Variants in MAP1B observed in about 807,000 individuals in gnomAD.
MAP1B encodes microtubule associated protein 1B.
MAP1B carries 12 observed loss-of-function variants against 176.1 expected under a neutral mutation model. The ratio of observed to expected loss-of-function variants is 0.07; its 90% CI spans 0.04 to 0.11. The LOEUF (loss-of-function observed/expected upper bound fraction) is 0.11, where lower values mean the gene tolerates loss of function less well. MAP1B is among the 10% of genes least tolerant of loss of function. The pLI is 1.00. For missense variants in MAP1B, 2,523 were observed against 2,990.5 expected (o/e 0.84, Z 3.65); for synonymous variants, 1,044 against 1,135.0 (o/e 0.92, Z 1.61).
chr5:72,110,026 A>G lies in MAP1B; in HGVS notation c.184+2311A>G, dbSNP rs557918270. On this transcript the variant is annotated intron_variant, in intron 1 of 6. Coordinates refer to ENST00000296755, the MANE Select transcript of MAP1B (RefSeq NM_005909.5). ...CCCTGCCTTTACTCGTTTTTACACT[A>G]CTAGCACTTAGTGACAAAATTCAGA... is the stretch of plus-strand genomic sequence containing the variant. Among the ~76,000 whole-genome samples, 22 of 152,322 alleles carry G rather than the reference A, an allele frequency of 1.4e-4. No individual in the cohort carries two copies. In the South Asian group the frequency reaches 3.3e-3, roughly 23 times the overall value.
chr5:72,199,211 G>A lies in MAP1B; in HGVS notation c.5856G>A (p.Glu1952=), dbSNP rs369646441. ...IIEKTTRTPE[E]GGYSYDISEK... ...AGAAGACCACACGGACCCCTGAAGA[G>A]GGTGGGTACTCATATGACATAAGTG... The change falls in exon 5 of 7, where the codon GAG becomes GAA. Residue 1952 remains glutamate, a synonymous_variant. Coordinates refer to ENST00000296755, the MANE Select transcript of MAP1B (RefSeq NM_005909.5). This position sits in a 1 kb window ranked among gnomAD's most constrained non-coding sequence, Gnocchi z 4.2. 1.2e-5 allele frequency: 20 copies of A among 1,613,936 alleles called. No homozygotes were observed. The highest frequency in any genetic ancestry group is 4.0e-5 in the African/African-American group (3 of 74,898).
At chr5:72,187,433 T>G (rs965055072) in intron 4 of MAP1B, among the ~76,000 whole-genome samples, 38 of 152,202 alleles carry the variant, frequency 2.5e-4, no homozygotes, top group African/African-American at 8.9e-4. Flanking sequence ...GCTTGGGAAT[T>G]TATCCTGGCT....
chr5:72,109,934 G>T (rs1255226221), intron 1 of MAP1B, among the ~76,000 whole-genome samples: 1 of 152,164 alleles, frequency 6.6e-6, no homozygotes, highest in Non-Finnish European at 1.5e-5. Flanking sequence ...TCCTCAGAGG[G>T]TTTATACAAG....
At position 72,196,899 on chromosome 5, in the gene MAP1B, C is replaced by A. The variant is rs571066866; in HGVS notation, c.3544C>A (p.Pro1182Thr). The A allele has an allele frequency of 5.6e-6, 9 of 1,614,208 alleles. No homozygotes were observed. The South Asian group carries it at 8.8e-5, about 16-fold the overall frequency. ...ATACTCTAAACCTGCTGATGTTACA[C>A]CGCTCAACGGATTTTCTGAAGGATC... Reference protein sequence around the residue: ...QEYSKPADVTPLNGFSEGSKT... With the variant: ...QEYSKPADVTTLNGFSEGSKT... The change falls in exon 5 of 7, where the codon CCG becomes ACG. Residue 1182 changes from proline to threonine, a missense_variant. This residue lies in a region of MAP1B where 1,925 missense variants were observed against 2,126.0 expected (regional missense o/e 0.91). Coordinates refer to ENST00000296755, the MANE Select transcript of MAP1B (RefSeq NM_005909.5). The surrounding 1 kb of genome is among the most constrained non-coding windows in gnomAD (Gnocchi z 5.3).
intron 4 of MAP1B, 30 bp from the exon 5 acceptor site, chr5:72,193,836 T>C: frequency 6.6e-7 from 1 of 1,520,876 alleles, no homozygotes; most frequent in Non-Finnish European, 8.8e-7. Flanking sequence ...TTACACCTTT[T>C]CTTTCTTTCT....
In MAP1B at chr5:72,198,549, A is replaced by G. The variant is rs1267546680; in HGVS notation, c.5194A>G (p.Thr1732Ala). 1.2e-6 allele frequency: 2 copies of G among 1,613,780 alleles called. No individual in the cohort carries two copies. The highest frequency in any genetic ancestry group is 1.7e-6 in the Non-Finnish European group (2 of 1,179,960). The change falls in exon 5 of 7, where the codon ACC (threonine) becomes GCC (alanine). Residue 1732 changes from threonine (T) to alanine (A), a missense_variant. This residue lies in a region of MAP1B where 1,925 missense variants were observed against 2,126.0 expected (regional missense o/e 0.91). Coordinates refer to ENST00000296755, the MANE Select transcript of MAP1B (RefSeq NM_005909.5). ...SVSQVEASPS[T>A]SSAHTPSQIA... ...ATCTCAGGTAGAGGCCTCCCCGTCC[A>G]CCTCTTCTGCTCATACCCCTTCTCA...
chr5:72,182,773 T>C (rs1019652041), intron 2 of MAP1B, among the ~76,000 whole-genome samples: 43 of 152,164 alleles, frequency 2.8e-4, no homozygotes, highest in African/African-American at 9.2e-4. Context: ...GCAGCAGACA[T>C]GTTTGTGTCT....
intron 2 of MAP1B, among the ~76,000 whole-genome samples, chr5:72,177,962 C>T (rs1746685008): frequency 2.6e-5 from 4 of 151,860 alleles, no homozygotes; most frequent in Non-Finnish European, 5.9e-5. Context: ...TCCTTCCTTC[C>T]TCCCTTCCCT....
intron 2 of MAP1B, among the ~76,000 whole-genome samples, chr5:72,173,560 T>C (rs972757848): frequency 6.6e-6 from 1 of 152,214 alleles, no homozygotes; most frequent in Non-Finnish European, 1.5e-5. Context: ...AGTGGCTTTT[T>C]TGTGGTAAAA....
chr5:72,138,495 A>G (rs991220766), intron 2 of MAP1B, among the ~76,000 whole-genome samples: 1 of 152,194 alleles, frequency 6.6e-6, no homozygotes, highest in African/African-American at 2.4e-5. Flanking sequence ...CACGTACTTC[A>G]CCCAGTAATT....
At chr5:72,139,087 G>A (rs921267891) in intron 2 of MAP1B, among the ~76,000 whole-genome samples, 1 of 152,174 alleles carries the variant, frequency 6.6e-6, no homozygotes, top group African/African-American at 2.4e-5. Flanking sequence ...GCTCATTTGA[G>A]TCAGAGGTTG....
intron 2 of MAP1B, chr5:72,116,556 A>G (rs1407865568): frequency 5.0e-5 from 15 of 300,584 alleles, no homozygotes; most frequent in Admixed American, 4.6e-4. Flanking sequence ...AGATGTATTC[A>G]TACTGACCCA....
At chr5:72,180,952 A>G (rs143762081) in intron 2 of MAP1B, among the ~76,000 whole-genome samples, 36 of 152,308 alleles carry the variant, frequency 2.4e-4, no homozygotes, top group African/African-American at 8.4e-4. Context: ...AGGACTCTAG[A>G]TCCAGGTGAC....
chr5:72,205,416 C>T lies in MAP1B; in HGVS notation c.*177C>T, dbSNP rs1747425390. The T allele has an allele frequency of 1.6e-6, 1 of 616,812 alleles. No individual in the cohort carries two copies. Among genetic ancestry groups the T allele is most frequent in the Non-Finnish European group, 2.7e-6 (1 of 364,806 alleles). The allele number at this position is 616,812 out of a possible 1,614,324, so 38.2% of individuals were successfully genotyped here. On this transcript the variant is annotated 3_prime_UTR_variant, in exon 7 of 7. Coordinates refer to ENST00000296755, the MANE Select transcript of MAP1B (RefSeq NM_005909.5). ...TAAATTTCTCAGTTTTTGCTGATTG[C>T]TAAGGGAAATAACAGTATTTCCACA... is the stretch of plus-strand genomic sequence containing the variant.
At chr5:72,110,672 T>G (rs1745315464) in intron 1 of MAP1B, among the ~76,000 whole-genome samples, 1 of 152,210 alleles carries the variant, frequency 6.6e-6, no homozygotes, top group African/African-American at 2.4e-5. Flanking sequence ...TGATTGTGTG[T>G]TGCAGGCTGG....
Position 72,193,993 on chromosome 5 carries a change from A to C in MAP1B, c.638A>C (p.Lys213Thr). The change falls in exon 5 of 7, where the codon AAA becomes ACA. Residue 213 changes from lysine (K) to threonine (T), a missense_variant. This residue lies in a region of MAP1B where 307 missense variants were observed against 438.4 expected (regional missense o/e 0.70). Transcript: ENST00000296755. ...RHNLQDFINI[K>T]LNSASILPEM... ...AATCTCCAAGACTTCATCAATATTA[A>C]ACTCAATTCAGCTTCTATCTTGCCA... 6.2e-7 allele frequency: 1 copy of C among 1,614,160 alleles called. No homozygotes were observed. The highest frequency in any genetic ancestry group is 8.5e-7 in the Non-Finnish European group (1 of 1,180,026).
intron 4 of MAP1B, among the ~76,000 whole-genome samples, chr5:72,191,084 G>T (rs545237111): frequency 6.6e-6 from 1 of 152,308 alleles, no homozygotes; most frequent in East Asian, 1.9e-4. Flanking sequence ...CACTCAGTGT[G>T]GTTACATCTG....
chr5:72,145,762 T>C (rs4569852), intron 2 of MAP1B, among the ~76,000 whole-genome samples: 58,174 of 152,126 alleles, frequency 0.38, 11,901 homozygotes, highest in African/African-American at 0.54. Context: ...AATTATGATA[T>C]GCCCAGCGGT....
intron 2 of MAP1B, among the ~76,000 whole-genome samples, chr5:72,176,653 C>T (rs1580008538): frequency 6.6e-6 from 1 of 152,164 alleles, no homozygotes; most frequent in East Asian, 1.9e-4. Context: ...TTGTCACTAC[C>T]CATTTCTATG....
Sources: allele counts gnomAD v4.1 joint callset (sites outside exome capture counted in the v4.1 genomes callset), GRCh38; gene constraint gnomAD v4.1.1; regional missense constraint gnomAD v4.1.1; non-coding constraint Gnocchi (gnomAD v3.1); transcripts MANE v1.5; gene names NCBI Gene and HGNC (gene_info 2026-07-23, HGNC 2026-07-21).